Variants in GNAL observed in about 807,000 individuals in gnomAD.
GNAL encodes guanine nucleotide-binding protein G(olf) subunit alpha.
In GNAL, 18 loss-of-function variants were observed where a neutral mutation model predicts 55.1. That is an observed-to-expected ratio of 0.33 (90% CI 0.23 to 0.48). The LOEUF is 0.48. GNAL is among the 20% of genes least tolerant of loss of function. The probability of loss-of-function intolerance (pLI) is 0.99; values close to 1 mark genes in which losing one functional copy is unlikely to be tolerated. For missense variants in GNAL, 412 were observed against 614.1 expected, an observed-to-expected ratio of 0.67 and a Z score of 3.48; for synonymous variants, 253 against 237.0, an observed-to-expected ratio of 1.07 and a Z score of -0.62.
chr18:11,729,616 A>G (rs543499260), intron 1 of GNAL, among the ~76,000 whole-genome samples: 1 of 152,184 alleles, frequency 6.6e-6, no homozygotes, highest in Non-Finnish European at 1.5e-5. Context: ...ACTTAAATGC[A>G]TTAGCAGATT....
intron 4 of GNAL, among the ~76,000 whole-genome samples, chr18:11,769,170 A>G (rs1340380429): frequency 9.0e-6 from 1 of 111,634 alleles, no homozygotes; most frequent in South Asian, 3.1e-4. Flanking sequence ...TATGTAATAT[A>G]TATTATAATA....
In GNAL at chr18:11,885,058, G is replaced by T. The variant is rs755036453; in HGVS notation, c.*3923G>T. The T allele has an allele frequency of 1.6e-6, 2 of 1,289,882 alleles. No individual in the cohort carries two copies. Among genetic ancestry groups the T allele is most frequent in the South Asian group, 2.5e-5 (2 of 80,312 alleles). 79.9% of individuals were successfully genotyped at this position (1,289,882 alleles called of 1,614,324 possible). ...GCATCTGTTCCCTAGAAATACATGT[G>T]TCCAGGTCGTCTCCATGGGCTTTTC... On this transcript the variant is annotated 3_prime_UTR_variant, in exon 12 of 12. Transcript: ENST00000334049.
intron 1 of GNAL, among the ~76,000 whole-genome samples, chr18:11,697,455 G>T (rs1015133314): frequency 1.3e-5 from 2 of 152,164 alleles, no homozygotes; most frequent in Non-Finnish European, 2.9e-5. Context: ...CTTCTCAGGA[G>T]GCTAAGGTGG....
chr18:11,689,776 GA>G lies in GNAL; in HGVS notation c.215del (p.Lys72ArgfsTer10). ...ACARPKADKP[K>X]EKRQRTEQLS... ...GCGCTCGGCCCAAAGCAGACAAGCCGAAGGAGAAGCGGCAGCGCACCGAGCA... is the reference window on the plus strand; with the variant it reads ...GCGCTCGGCCCAAAGCAGACAAGCCGAGGAGAAGCGGCAGCGCACCGAGCA... On this transcript the variant is annotated frameshift_variant, in exon 1 of 12. Transcript: ENST00000334049. LOFTEE classifies it high-confidence loss of function. The G allele has an allele frequency of 6.5e-7, 1 of 1,527,774 alleles. No homozygotes were observed. The allele number at this position is 1,527,774 out of a possible 1,614,324, so 94.6% of individuals were successfully genotyped here. A position where few individuals can be genotyped will look rare whatever the true frequency, so the allele number is the denominator to read the frequency against.
chr18:11,788,202 C>T lies in GNAL; in HGVS notation c.624+34257C>T, dbSNP rs115705501. ...CCTGGGGAGCTTTCAAACAAGATCC[C>T]TAAGCCTGTCCTCAGAGATTTTGAT... On this transcript the variant is annotated intron_variant, in intron 4 of 11. Transcript: ENST00000334049. 5.0e-3 allele frequency among the ~76,000 whole-genome samples: 768 copies of T among 152,302 alleles called. 4 individuals carry two copies. The highest frequency in any genetic ancestry group is 0.017 in the African/African-American group (727 of 41,568).
chr18:11,857,744 ACT>A, intron 5 of GNAL: 2 of 985,020 alleles, frequency 2.0e-6, no homozygotes, highest in South Asian at 9.4e-5. Context: ...GGGAATCTTA[ACT>A]CTGGCTGTGC....
intron 1 of GNAL, among the ~76,000 whole-genome samples, chr18:11,697,389 T>G (rs963454434): frequency 2.0e-5 from 3 of 151,786 alleles, no homozygotes; most frequent in African/African-American, 7.3e-5. Flanking sequence ...AATACAAAAA[T>G]TAGCTGGTTA....
chr18:11,720,066 G>T (rs1165987068), intron 1 of GNAL, among the ~76,000 whole-genome samples: 1 of 152,100 alleles, frequency 6.6e-6, no homozygotes, highest in Non-Finnish European at 1.5e-5. Flanking sequence ...GTCTCAGGTG[G>T]GGCCCACAAT....
intron 1 of GNAL, among the ~76,000 whole-genome samples, chr18:11,715,560 G>T (rs2031944003): frequency 6.6e-6 from 1 of 152,016 alleles, no homozygotes; most frequent in East Asian, 1.9e-4. Flanking sequence ...TGTTGAGAAA[G>T]TGGACATTTT....
At chr18:11,851,439 C>T (rs2035862143) in intron 5 of GNAL, 10 of 1,445,500 alleles carry the variant, frequency 6.9e-6, no homozygotes, top group Non-Finnish European at 8.2e-6. Context: ...CGGCCGGGAG[C>T]GGACTTACCT....
In GNAL at chr18:11,827,203, T is replaced by C. The variant is rs527254745; in HGVS notation, c.722+2188T>C. On this transcript the variant is annotated intron_variant, in intron 5 of 11. Transcript: ENST00000334049. Reference sequence around the variant, plus strand: ...GCAAAGTATAGTAAAGCATCGAGAATGGAGCGCACACCTGCTGCAAACACC... The same window carrying C: ...GCAAAGTATAGTAAAGCATCGAGAACGGAGCGCACACCTGCTGCAAACACC... Among the ~76,000 whole-genome samples the C allele has an allele frequency of 2.0e-5, 3 of 152,236 alleles. No individual in the cohort carries two copies. In the East Asian group the frequency reaches 5.8e-4, roughly 29 times the overall value.
intron 5 of GNAL, among the ~76,000 whole-genome samples, chr18:11,826,599 T>A (rs1320117911): frequency 6.6e-6 from 1 of 152,090 alleles, no homozygotes; most frequent in African/African-American, 2.4e-5. Flanking sequence ...GTGCCTTGGG[T>A]TGGGCTGGGG....
intron 1 of GNAL, among the ~76,000 whole-genome samples, chr18:11,711,367 A>G (rs1179894706): frequency 2.0e-5 from 3 of 151,912 alleles, no homozygotes; most frequent in Admixed American, 2.0e-4. Flanking sequence ...GGTGTCCTAT[A>G]ACTTCCTTAG....
At position 11,760,347 on chromosome 18, in the gene GNAL, C is replaced by T. The variant is rs545217464; in HGVS notation, c.624+6402C>T. Among the ~76,000 whole-genome samples the T allele has an allele frequency of 2.6e-5, 4 of 152,158 alleles. No individual in the cohort carries two copies. The South Asian group carries it at 6.2e-4, about 24-fold the overall frequency. On this transcript the variant is annotated intron_variant, in intron 4 of 11. Coordinates refer to ENST00000334049, the MANE Select transcript of GNAL (RefSeq NM_182978.4). Reference sequence around the variant, plus strand: ...AAAATGGTACTGAAATTGATTGCCCCACAGCCATCCTGTTCTTTGCCTTTT... The same window carrying T: ...AAAATGGTACTGAAATTGATTGCCCTACAGCCATCCTGTTCTTTGCCTTTT...
At chr18:11,846,448 A>T (rs1478575242) in intron 5 of GNAL, among the ~76,000 whole-genome samples, 2 of 118,080 alleles carry the variant, frequency 1.7e-5, no homozygotes, top group Non-Finnish European at 3.4e-5. Flanking sequence ...TATAAATATA[A>T]ATATATATAT....
intron 1 of GNAL, among the ~76,000 whole-genome samples, chr18:11,700,970 T>C (rs2031553226): frequency 6.6e-6 from 1 of 152,210 alleles, no homozygotes; most frequent in South Asian, 2.1e-4. Flanking sequence ...ACTGCAAACA[T>C]TTGCATCTCT....
intron 4 of GNAL, among the ~76,000 whole-genome samples, chr18:11,789,076 TCTAA>T (rs1318845698): frequency 6.6e-6 from 1 of 151,784 alleles, no homozygotes; most frequent in African/African-American, 2.4e-5. Flanking sequence ...TGCTCCCACC[TCTAA>T]CTAGTCTTTC....
In GNAL at chr18:11,753,616, C is replaced by A; in HGVS notation, c.450-12C>A. On this transcript the variant is annotated splice_polypyrimidine_tract_variant and intron_variant, in intron 2 of 11. Coordinates refer to ENST00000334049, the MANE Select transcript of GNAL (RefSeq NM_182978.4). ...AGTAAATTAAGCTAATAACAACTCT[C>A]TTTCAATACAGGGAAAAGAAACAGA... 6.5e-7 allele frequency: 1 copy of A among 1,534,478 alleles called. No individual in the cohort carries two copies. The highest frequency in any genetic ancestry group is 9.0e-7 in the Non-Finnish European group (1 of 1,107,754).
chr18:11,861,405 A>C (rs1171711350), intron 5 of GNAL, among the ~76,000 whole-genome samples: 1 of 152,098 alleles, frequency 6.6e-6, no homozygotes, highest in Non-Finnish European at 1.5e-5. Flanking sequence ...CCAGCCGCGG[A>C]AGGAGAAGGG....
Sources: gnomAD v4.1 joint callset for allele counts (sites outside exome capture counted in the v4.1 genomes callset) on GRCh38, gnomAD v4.1.1 for gene constraint, MANE v1.5 for transcripts, NCBI Gene and HGNC (gene_info 2026-07-23, HGNC 2026-07-21) for gene names.